Variants in NR1D2 observed in about 807,000 individuals in gnomAD.
NR1D2 encodes the protein V-erbA-related protein 1-related.
A neutral mutation model predicts 52.2 loss-of-function variants in NR1D2; 25 were observed. The observed-to-expected ratio is 0.48, with a 90% CI of 0.35 to 0.67. The LOEUF (loss-of-function observed/expected upper bound fraction) is 0.67. NR1D2 is among the 30% of genes least tolerant of loss of function. The pLI is 0.01. For synonymous variants in NR1D2, 259 were observed against 230.1 expected (o/e 1.13, Z -1.14); for missense variants, 681 against 707.2 (o/e 0.96, Z 0.42).
intron 3 of NR1D2, among the ~76,000 whole-genome samples, chr3:23,959,396 G>T (rs1391840241): frequency 6.6e-6 from 1 of 152,106 alleles, no homozygotes; most frequent in Non-Finnish European, 1.5e-5. Flanking sequence ...GTTGCAAGGG[G>T]TGTTTTGGGT....
rs61732085 is a variant in NR1D2 at position 23,956,113 on chromosome 3, C to A, written c.360C>A (p.Cys120Ter). Residue 120 changes from cysteine to a stop codon, truncating the protein, a stop_gained, in exon 3 of 8, where the codon TGC (cysteine) becomes TGA (stop). Coordinates refer to ENST00000312521, the MANE Select transcript of NR1D2 (RefSeq NM_005126.5). LOFTEE classifies it high-confidence loss of function. The part of the protein sequence containing the change: ...ASGFHYGVHA[C>*]EGCKGFFRRS... Reference sequence around the variant, plus strand: ...GATTCCACTATGGAGTTCATGCTTGCGAAGGCTGTAAGGTAAAGCATGCTT... The same window carrying A: ...GATTCCACTATGGAGTTCATGCTTGAGAAGGCTGTAAGGTAAAGCATGCTT... 6.2e-7 allele frequency: 1 copy of A among 1,612,570 alleles called. No individual in the cohort carries two copies. The highest frequency in any genetic ancestry group is 8.5e-7 in the Non-Finnish European group (1 of 1,178,778).
At chr3:23,946,338 G>C (rs1705707353) in intron 1 of NR1D2, 1 of 977,588 alleles carries the variant, frequency 1.0e-6, no homozygotes, top group Non-Finnish European at 1.2e-6. Flanking sequence ...AGATTCCGAG[G>C]AGGAAGTGCA....
chr3:23,965,704 G>T (rs961346975), intron 6 of NR1D2, among the ~76,000 whole-genome samples: 1 of 152,044 alleles, frequency 6.6e-6, no homozygotes, highest in Admixed American at 6.6e-5. Context: ...TATTATTTAG[G>T]ATTTGAAATA....
Position 23,962,604 on chromosome 3 carries a change from T to C in NR1D2, c.1145T>C (p.Leu382Pro), listed in dbSNP as rs1169242251. The change falls in exon 5 of 8, where the codon CTG becomes CCG. Residue 382 changes from leucine to proline, a missense_variant and splice_region_variant. Around this residue, in one of 3 missense-constraint regions of NR1D2, gnomAD observed 475 missense variants for 454.5 expected, o/e 1.05. Coordinates refer to ENST00000312521, the MANE Select transcript of NR1D2 (RefSeq NM_005126.5). ...YLCNTGGRMHLVCPMSKSPYV... is the reference protein window; with the variant it reads ...YLCNTGGRMHPVCPMSKSPYV... ...TGCAACACTGGAGGAAGAATGCATC[T>C]GGTATAGTGAAATCGATTTTTTGCT... 8.2e-6 allele frequency: 13 copies of C among 1,578,216 alleles called. No homozygotes were observed. The highest frequency in any genetic ancestry group is 1.0e-5 in the Non-Finnish European group (12 of 1,159,364).
intron 7 of NR1D2, among the ~76,000 whole-genome samples, chr3:23,968,230 TTACA>T (rs1167062611): frequency 2.0e-5 from 3 of 152,244 alleles, no homozygotes; most frequent in African/African-American, 7.2e-5. Flanking sequence ...AAAGTAATAC[TTACA>T]TCTAGGCCTT....
chr3:23,972,857 A>G (rs1180923117), intron 7 of NR1D2, among the ~76,000 whole-genome samples: 1 of 152,164 alleles, frequency 6.6e-6, no homozygotes, highest in Non-Finnish European at 1.5e-5. Flanking sequence ...TGGCCTTGAA[A>G]TCTTAAAAAC....
intron 1 of NR1D2, among the ~76,000 whole-genome samples, chr3:23,946,783 C>T (rs575988405): frequency 4.6e-5 from 7 of 152,156 alleles, no homozygotes; most frequent in Non-Finnish European, 1.0e-4. Flanking sequence ...AAATATTTTT[C>T]TTGTCACATT....
At chr3:23,948,118 CA>C (rs58380767) in intron 1 of NR1D2, among the ~76,000 whole-genome samples, 41,448 of 135,010 alleles carry the variant, frequency 0.31, 5,868 homozygotes, top group African/African-American at 0.4. Context: ...ACTCCCATCT[CA>C]AAAAAAAAAA....
intron 1 of NR1D2, among the ~76,000 whole-genome samples, chr3:23,950,832 C>T (rs1018441293): frequency 2.0e-5 from 3 of 151,646 alleles, no homozygotes; most frequent in African/African-American, 7.3e-5. Context: ...TCCATTGCCC[C>T]GTCAGTGCTT....
intron 1 of NR1D2, among the ~76,000 whole-genome samples, chr3:23,946,812 A>T (rs1467421656): frequency 6.6e-6 from 1 of 152,248 alleles, no homozygotes; most frequent in African/African-American, 2.4e-5. Context: ...TTGCAACGGA[A>T]CAACAGGGTG....
At chr3:23,967,558 G>A (rs778649536) in intron 6 of NR1D2, among the ~76,000 whole-genome samples, 8 of 152,142 alleles carry the variant, frequency 5.3e-5, no homozygotes, top group African/African-American at 9.7e-5. Context: ...GGAGGTTGCA[G>A]TGAGCCAAGA....
chr3:23,968,787 T>G (rs1230835103), intron 7 of NR1D2, among the ~76,000 whole-genome samples: 1 of 152,242 alleles, frequency 6.6e-6, no homozygotes, highest in Non-Finnish European at 1.5e-5. Context: ...TGAGGTACTT[T>G]CCTGGGTATG....
At chr3:23,974,022 T>G (rs1462602562) in intron 7 of NR1D2, among the ~76,000 whole-genome samples, 2 of 150,848 alleles carry the variant, frequency 1.3e-5, no homozygotes, top group Non-Finnish European at 3.0e-5. Flanking sequence ...TCTATATTTC[T>G]ATGATAACAA....
chr3:23,953,147 A>AC (rs1446212827), intron 1 of NR1D2, among the ~76,000 whole-genome samples: 6 of 151,528 alleles, frequency 4.0e-5, no homozygotes, highest in African/African-American at 9.7e-5. Context: ...GACCAGTCTG[A>AC]CCAACATGGT....
Position 23,977,213 on chromosome 3 carries a change from T to C in NR1D2, c.1544-10T>C. 1.4e-5 allele frequency: 20 copies of C among 1,408,132 alleles called. No homozygotes were observed. The highest frequency in any genetic ancestry group is 1.9e-5 in the Non-Finnish European group (20 of 1,065,544). 87.2% of individuals were successfully genotyped at this position (1,408,132 alleles called of 1,614,324 possible). ...GTTTTTCCTATTTCCCTATTCCTGA[T>C]CTCTCTTAGATCGATCTGGAATAGA... On this transcript the variant is annotated splice_polypyrimidine_tract_variant and intron_variant, in intron 7 of 7. Transcript: ENST00000312521.
At chr3:23,954,944 G>A (rs1171481690) in intron 2 of NR1D2, 141 bp downstream of exon 2, 3 of 730,052 alleles carry the variant, frequency 4.1e-6, no homozygotes, top group Non-Finnish European at 6.7e-6. Context: ...AGTAGTTAGG[G>A]AAGAAATCAG....
chr3:23,961,308 G>T (rs1190422541), intron 4 of NR1D2, among the ~76,000 whole-genome samples: 1 of 149,794 alleles, frequency 6.7e-6, no homozygotes, highest in African/African-American at 2.4e-5. Context: ...AGCTTTGTTA[G>T]TAAGGAGCTG....
rs1706836919 is a variant in NR1D2 at position 23,980,023 on chromosome 3, T to G, written c.*2604T>G. On this transcript the variant is annotated 3_prime_UTR_variant, in exon 8 of 8. Coordinates refer to ENST00000312521, the MANE Select transcript of NR1D2 (RefSeq NM_005126.5). Reference sequence around the variant, plus strand: ...GAGGATTCAAGTTGATAGAAATAGCTGAGGGGAAAAGGGGGAACATCTTGG... The same window carrying G: ...GAGGATTCAAGTTGATAGAAATAGCGGAGGGGAAAAGGGGGAACATCTTGG... 1 of 152,084 alleles carries G rather than the reference T, an allele frequency of 6.6e-6. No homozygotes were observed. Among genetic ancestry groups the G allele is most frequent in the Non-Finnish European group, 1.5e-5 (1 of 67,964 alleles). 9.4% of individuals were successfully genotyped at this position (152,084 alleles called of 1,614,324 possible). A position where few individuals can be genotyped will look rare whatever the true frequency, so the allele number is the denominator to read the frequency against.
intron 3 of NR1D2, among the ~76,000 whole-genome samples, chr3:23,958,642 TAAAAAAAAAA>T (rs35959367): frequency 1.0e-5 from 1 of 98,100 alleles, no homozygotes; most frequent in African/African-American, 4.1e-5. Context: ...CCTGTCTCTT[TAAAAAAAAAA>T]AAAAAAAAAA....
Sources: allele counts gnomAD v4.1 joint callset (sites outside exome capture counted in the v4.1 genomes callset), GRCh38; gene constraint gnomAD v4.1.1; regional missense constraint gnomAD v4.1.1; transcripts MANE v1.5; gene names NCBI Gene and HGNC (gene_info 2026-07-23, HGNC 2026-07-21).